The following GPR143 variants were observed in gnomAD, a reference collection of about 807,000 sequenced individuals.
GPR143 encodes the protein G protein-coupled receptor 143.
A neutral mutation model predicts 27.6 loss-of-function variants in GPR143; 8 were observed. The observed-to-expected ratio is 0.29, with a 90% confidence interval of 0.17 to 0.52. The LOEUF is 0.52. GPR143 is among the 20% of genes least tolerant of loss of function. The pLI is 0.96. For missense variants in GPR143, 303 were observed against 343.1 expected (o/e 0.88, Z 0.92); for synonymous variants, 156 against 153.2 (o/e 1.02, Z -0.13).
intron 8 of GPR143, among the ~76,000 whole-genome samples, chrX:9,736,144 G>A (rs1035651004): frequency 1.8e-5 from 2 of 110,973 alleles, no homozygotes; most frequent in Non-Finnish European, 3.8e-5. Context: ...GGGGTGACAG[G>A]CAAGTGGCCC....
upstream of GPR143, among the ~76,000 whole-genome samples, chrX:9,770,323 A>AGAGAGAGAGAGAGAGAGAGAGAGAGAG (rs2083549800): frequency 2.2e-4 from 20 of 88,999 alleles, no homozygotes; most frequent in African/African-American, 9.5e-4. Flanking sequence ...AAGAAAGAAA[A>AGAGAGAGAGAGAGAGAGAGAGAGAGAG]AGAGAGAGAG....
upstream of GPR143, among the ~76,000 whole-genome samples, chrX:9,768,265 ACCT>A (rs2083542176): frequency 8.9e-6 from 1 of 111,987 alleles, no homozygotes; most frequent in African/African-American, 3.2e-5. Flanking sequence ...AGTGGCTCAC[ACCT>A]GTAATCTCAG....
intron 8 of GPR143, among the ~76,000 whole-genome samples, chrX:9,732,812 G>A (rs905068563): frequency 2.0e-4 from 20 of 101,406 alleles, no homozygotes; most frequent in African/African-American, 6.4e-4. Context: ...GCAGTGAGCC[G>A]AGATCGTGCC....
chrX:9,731,641 G>C (rs965656312), intron 8 of GPR143, among the ~76,000 whole-genome samples: 1 of 111,169 alleles, frequency 9.0e-6, no homozygotes, highest in Non-Finnish European at 1.9e-5. Context: ...GGCACTATGG[G>C]ACAGAAAGGG....
intron 3 of GPR143, among the ~76,000 whole-genome samples, chrX:9,758,370 G>A (rs1367258903): frequency 9.0e-6 from 1 of 111,495 alleles, no homozygotes; most frequent in Non-Finnish European, 1.9e-5. Flanking sequence ...CTTGTGTGGT[G>A]GGTACCATTT....
intron 8 of GPR143, among the ~76,000 whole-genome samples, chrX:9,734,034 C>T (rs1458126226): frequency 2.0e-5 from 2 of 102,285 alleles, no homozygotes; most frequent in Non-Finnish European, 3.9e-5. Context: ...GAGCTTAGAT[C>T]GCGCCATTGC....
At chrX:9,745,318 A>G (rs1438843060) in intron 5 of GPR143, among the ~76,000 whole-genome samples, 1 of 112,960 alleles carries the variant, frequency 8.9e-6, no homozygotes, top group African/African-American at 3.2e-5. Flanking sequence ...ATTTCCTATT[A>G]CCAATGATAG....
rs993508370 is a variant in GPR143 at position 9,761,164 on chromosome X, G to A, written c.251-338C>T. On this transcript the variant is annotated intron_variant, in intron 1 of 8. Coordinates refer to ENST00000467482, the MANE Select transcript of GPR143 (RefSeq NM_000273.3). ...GCTGCAGTACAGTGGTAAAAACCCT[G>A]CTCACTGCAAATTCCGCCTCCCAGG... 4.5e-5 allele frequency among the ~76,000 whole-genome samples: 5 copies of A among 111,121 alleles called. No homozygotes were observed. In the Admixed American group the frequency reaches 4.8e-4, roughly 11 times the overall value.
In GPR143 at chrX:9,730,105, G is replaced by T. The variant is rs373865160; in HGVS notation, c.1121-4265C>A. 3.6e-5 allele frequency among the ~76,000 whole-genome samples: 4 copies of T among 112,380 alleles called. No homozygotes were observed. In the East Asian group the frequency reaches 8.4e-4, roughly 23 times the overall value. On this transcript the variant is annotated intron_variant, in intron 8 of 8. Transcript: ENST00000467482. ...ACCATCTAGCCCAGGTGTGTAGTTG[G>T]GTATACCCTCTAGGTTTGTTTAAAC...
chrX:9,766,901 T>TCC (rs1356803704), upstream of GPR143, among the ~76,000 whole-genome samples: 1 of 65,153 alleles, frequency 1.5e-5, no homozygotes, highest in African/African-American at 6.4e-5. Flanking sequence ...TATCTCTCTC[T>TCC]CTCACACACA....
At chrX:9,758,302 G>A (rs1034314511) in intron 3 of GPR143, among the ~76,000 whole-genome samples, 3 of 111,905 alleles carry the variant, frequency 2.7e-5, no homozygotes, top group African/African-American at 6.5e-5. Flanking sequence ...AGCTGGCAAC[G>A]TTTCAGGACT....
At chrX:9,728,867 C>T (rs907082576) in intron 8 of GPR143, among the ~76,000 whole-genome samples, 6 of 109,915 alleles carry the variant, frequency 5.5e-5, no homozygotes, top group Non-Finnish European at 1.1e-4. Flanking sequence ...ACACATGCAC[C>T]TGCCCACACA....
At chrX:9,743,797 C>A in intron 5 of GPR143, 124 bp from the exon 6 acceptor site, 1 of 528,985 alleles carries the variant, frequency 1.9e-6, no homozygotes, top group South Asian at 2.5e-5. Flanking sequence ...CAAAGCAAGT[C>A]ACTGACATTC....
At chrX:9,746,797 G>A (rs1481866301) in intron 4 of GPR143, among the ~76,000 whole-genome samples, 1 of 109,133 alleles carries the variant, frequency 9.2e-6, no homozygotes, top group Non-Finnish European at 1.9e-5. Context: ...GCTGCGAAAT[G>A]CTTAATGTAG....
At position 9,737,486 on chromosome X, in the gene GPR143, C is replaced by T. The variant is rs138961266; in HGVS notation, c.1120+1999G>A. ...ACAACAGGACGAATATTACACAATGCCCTTTCCATGTAAGGTCTGGAACAG... is the reference window on the plus strand; with the variant it reads ...ACAACAGGACGAATATTACACAATGTCCTTTCCATGTAAGGTCTGGAACAG... On this transcript the variant is annotated intron_variant, in intron 8 of 8. Coordinates refer to ENST00000467482, the MANE Select transcript of GPR143 (RefSeq NM_000273.3). Among the ~76,000 whole-genome samples the T allele has an allele frequency of 9.5e-3, 1,062 of 111,755 alleles. 13 individuals are homozygous for T. Among genetic ancestry groups the T allele is most frequent in the African/African-American group, 0.034 (1,032 of 30,680 alleles).
intron 4 of GPR143, among the ~76,000 whole-genome samples, chrX:9,746,738 A>C (rs753110629): frequency 4.5e-5 from 5 of 110,498 alleles, no homozygotes; most frequent in Non-Finnish European, 7.6e-5. Context: ...TCACCACAGA[A>C]TGTGCTGGAG....
intron 3 of GPR143, among the ~76,000 whole-genome samples, chrX:9,752,523 G>A (rs1485810149): frequency 8.9e-6 from 1 of 112,483 alleles, no homozygotes; most frequent in African/African-American, 3.2e-5. Context: ...GGATGTTTGA[G>A]ATAAGGAAGT....
At chrX:9,762,432 T>C (rs2083507006) in intron 1 of GPR143, among the ~76,000 whole-genome samples, 1 of 110,667 alleles carries the variant, frequency 9.0e-6, no homozygotes, top group South Asian at 3.8e-4. Flanking sequence ...GGGAGAACTG[T>C]AAACAACACC....
rs1353269077 is a variant in GPR143, at chrX:9,730,254, C to A, written c.1121-4414G>T. ...GTGCCCTCAACTGCCTTTCTCAGAT[C>A]CCCTGAAATCTTTGAAGTCCTAGAA... On this transcript the variant is annotated intron_variant, in intron 8 of 8. Transcript: ENST00000467482. Among the ~76,000 whole-genome samples, 3 of 93,233 alleles carry A rather than the reference C, an allele frequency of 3.2e-5. 1 individual carries two copies. Among genetic ancestry groups the A allele is most frequent in the Non-Finnish European group, 6.0e-5 (3 of 50,059 alleles). The allele number at this position is 93,233 out of a possible 115,157, so 81.0% of individuals were successfully genotyped here. A position where few individuals can be genotyped will look rare whatever the true frequency, so the allele number is the denominator to read the frequency against.
Sources: gnomAD v4.1 joint callset for allele counts (sites outside exome capture counted in the v4.1 genomes callset) on GRCh38, gnomAD v4.1.1 for gene constraint, MANE v1.5 for transcripts, NCBI Gene and HGNC (gene_info 2026-07-23, HGNC 2026-07-21) for gene names.